SEMA3D: variants seen among roughly 807,000 people sequenced by gnomAD.
The protein encoded by SEMA3D is semaphorin 3D, also known as semaphorin-3D.
Under a neutral mutation model 100.1 loss-of-function variants are expected in SEMA3D, and 84 were observed. The observed-to-expected ratio is 0.84, with a 90% CI of 0.70 to 1.01. The LOEUF is 1.01. Among genes scored for constraint, SEMA3D ranks in the 50% least tolerant of loss-of-function variants. SEMA3D has a pLI of 0.00. For synonymous variants in SEMA3D, 312 were observed against 320.7 expected, an observed-to-expected ratio of 0.97 and a Z score of 0.29; for missense variants, 875 against 934.1, an observed-to-expected ratio of 0.94 and a Z score of 0.82.
chr7:85,020,650 C>T (rs1180770063), intron 13 of SEMA3D, among the ~76,000 whole-genome samples: 1 of 151,326 alleles, frequency 6.6e-6, no homozygotes, highest in African/African-American at 2.4e-5. Flanking sequence ...TGGACCTTAA[C>T]TGAAAAAGTT....
chr7:85,061,917 C>T (rs971880622), intron 8 of SEMA3D, among the ~76,000 whole-genome samples: 5 of 152,122 alleles, frequency 3.3e-5, no homozygotes, highest in African/African-American at 9.7e-5. Context: ...TCATTGCTTG[C>T]GGAACTCCAT....
the SEMA3D span, among the ~76,000 whole-genome samples, chr7:85,240,870 C>T: frequency 0.026 from 3,948 of 151,924 alleles, 183 homozygotes; most frequent in African/African-American, 0.091. Context: ...AAATTTGTGT[C>T]ATCTTTCCAA....
chr7:85,097,784 T>C, intron 4 of SEMA3D, 21 bp downstream of exon 4: 7 of 1,392,844 alleles, frequency 5.0e-6, no homozygotes, highest in Non-Finnish European at 6.9e-6. Context: ...TTTAACCAAA[T>C]GTATATATAA....
At chr7:85,138,855 T>A (rs1407628640) in intron 2 of SEMA3D, among the ~76,000 whole-genome samples, 1 of 151,170 alleles carries the variant, frequency 6.6e-6, no homozygotes. Context: ...TATTCCCCCC[T>A]GTCCATATGT....
At chr7:85,060,082 A>G in intron 8 of SEMA3D, among the ~76,000 whole-genome samples, 1 of 152,202 alleles carries the variant, frequency 6.6e-6, no homozygotes, top group Non-Finnish European at 1.5e-5. Flanking sequence ...TATGCCATAG[A>G]CAGTCTTATT....
At chr7:85,179,960 C>T (rs960606046) in intron 1 of SEMA3D, among the ~76,000 whole-genome samples, 8 of 152,176 alleles carry the variant, frequency 5.3e-5, no homozygotes, top group Non-Finnish European at 1.0e-4. Context: ...CGCACCCAGC[C>T]GGACTTGGAC....
intron 18 of SEMA3D, among the ~76,000 whole-genome samples, chr7:85,006,386 G>A (rs1233558982): frequency 6.6e-6 from 1 of 151,806 alleles, no homozygotes; most frequent in East Asian, 1.9e-4. Flanking sequence ...GATAAACATA[G>A]ATATTTCTGT....
intron 4 of SEMA3D, among the ~76,000 whole-genome samples, chr7:85,093,756 C>T (rs1368491541): frequency 2.0e-5 from 3 of 151,978 alleles, no homozygotes; most frequent in African/African-American, 7.2e-5. Context: ...ATGTATCAGA[C>T]ATTGTGCAAT....
intron 9 of SEMA3D, among the ~76,000 whole-genome samples, chr7:85,046,246 A>G (rs977979536): frequency 1.3e-5 from 2 of 151,924 alleles, no homozygotes; most frequent in Non-Finnish European, 2.9e-5. Flanking sequence ...AGTGATAATA[A>G]ATGTTCATTT....
intron 12 of SEMA3D, chr7:85,029,614 G>T: frequency 2.2e-6 from 1 of 454,200 alleles, no homozygotes; most frequent in Non-Finnish European, 4.2e-6. Context: ...ATGCTAGGAG[G>T]AATGCCAGGG....
intron 2 of SEMA3D, among the ~76,000 whole-genome samples, chr7:85,135,728 A>C (rs897708232): frequency 6.6e-6 from 1 of 150,486 alleles, no homozygotes; most frequent in Non-Finnish European, 1.5e-5. Flanking sequence ...GAAAAAAATC[A>C]ATTTGCAAAG....
chr7:85,212,487 G>T, the SEMA3D span, among the ~76,000 whole-genome samples: 1 of 150,986 alleles, frequency 6.6e-6, no homozygotes, highest in African/African-American at 2.5e-5. Flanking sequence ...CTTCTTCAGA[G>T]AAATATAGTG....
chr7:85,140,563 T>C (rs891345243), intron 2 of SEMA3D: 79 of 976,164 alleles, frequency 8.1e-5, no homozygotes, highest in Non-Finnish European at 9.4e-5. Context: ...CAACATTTTA[T>C]AGCAGAGTTT....
intron 16 of SEMA3D, among the ~76,000 whole-genome samples, chr7:85,014,812 G>T (rs982629137): frequency 6.6e-5 from 10 of 151,516 alleles, no homozygotes; most frequent in African/African-American, 4.8e-5. Flanking sequence ...TGAAAGAAAA[G>T]AATATATAGA....
chr7:85,186,426 T>C (rs886904172), intron 1 of SEMA3D, among the ~76,000 whole-genome samples: 9 of 152,130 alleles, frequency 5.9e-5, no homozygotes, highest in African/African-American at 1.9e-4. Context: ...CCGCAGCTGC[T>C]GAGGCGGGGT....
intron 4 of SEMA3D, among the ~76,000 whole-genome samples, chr7:85,093,177 T>C (rs1788448517): frequency 6.6e-6 from 1 of 152,070 alleles, no homozygotes; most frequent in South Asian, 2.1e-4. Flanking sequence ...AAAGAAAGTT[T>C]GTTTTCTGTT....
intron 12 of SEMA3D, among the ~76,000 whole-genome samples, chr7:85,024,567 T>C (rs1382061375): frequency 6.6e-6 from 1 of 151,894 alleles, no homozygotes; most frequent in Non-Finnish European, 1.5e-5. Context: ...TGTAATAAAA[T>C]CTAAGGCGGA....
intron 1 of SEMA3D, among the ~76,000 whole-genome samples, chr7:85,175,450 C>A (rs75278283): frequency 6.6e-6 from 1 of 152,064 alleles, no homozygotes; most frequent in Non-Finnish European, 1.5e-5. Context: ...TTTGAAAACC[C>A]GAACAATGAA....
chr7:85,064,490 A>G (rs964201138), intron 8 of SEMA3D, among the ~76,000 whole-genome samples: 2 of 152,184 alleles, frequency 1.3e-5, no homozygotes, highest in African/African-American at 4.8e-5. Flanking sequence ...GTTTTTGACT[A>G]AAGAAATGTT....
Sources: gnomAD v4.1 joint callset for allele counts (sites outside exome capture counted in the v4.1 genomes callset) on GRCh38, gnomAD v4.1.1 for gene constraint, MANE v1.5 for transcripts, NCBI Gene and HGNC (gene_info 2026-07-23, HGNC 2026-07-21) for gene names.